Variants in PITPNA observed in about 807,000 individuals in gnomAD.
PITPNA encodes phosphatidylinositol transfer protein alpha.
A neutral mutation model predicts 50.3 loss-of-function variants in PITPNA; 13 were observed. That is an observed-to-expected ratio of 0.26 (90% CI 0.17 to 0.41). The LOEUF (loss-of-function observed/expected upper bound fraction) is 0.41. Ranked by LOEUF, PITPNA falls within the 10% of genes least tolerant of loss-of-function variation. PITPNA has a pLI of 1.00. For synonymous variants in PITPNA, 120 were observed against 119.6 expected, an observed-to-expected ratio of 1.00 and a Z score of -0.02; for missense variants, 207 against 333.4, an observed-to-expected ratio of 0.62 and a Z score of 2.95.
chr17:1,555,465 T>C (rs1463705099), intron 2 of PITPNA, among the ~76,000 whole-genome samples: 2 of 152,110 alleles, frequency 1.3e-5, no homozygotes, highest in Non-Finnish European at 2.9e-5. Flanking sequence ...GGGGCAGAGA[T>C]AGGAGTGGGA....
At position 1,536,568 on chromosome 17, in the gene PITPNA, C is replaced by T. The variant is rs549184265; in HGVS notation, c.457-1050G>A. 2.6e-5 allele frequency among the ~76,000 whole-genome samples: 4 copies of T among 151,522 alleles called. No individual in the cohort carries two copies. In the East Asian group the frequency reaches 5.8e-4, roughly 22 times the overall value. On this transcript the variant is annotated intron_variant, in intron 7 of 11. Coordinates refer to ENST00000313486, the MANE Select transcript of PITPNA (RefSeq NM_006224.4). ...CCTCCCACAGTGCTGGGATTACAGG[C>T]GTGAGCCACCGCGCCCTGCCTTATT... is the stretch of plus-strand genomic sequence containing the variant.
chr17:1,542,399 T>C (rs905389006), intron 5 of PITPNA, among the ~76,000 whole-genome samples: 1 of 152,212 alleles, frequency 6.6e-6, no homozygotes, highest in Non-Finnish European at 1.5e-5. Context: ...TTAAGTTTTC[T>C]TCTCAGTAAC....
chr17:1,551,288 C>CT (rs1215788872), intron 3 of PITPNA, among the ~76,000 whole-genome samples: 487 of 142,816 alleles, frequency 3.4e-3, no homozygotes, highest in African/African-American at 7.0e-3. Context: ...TCTTTTTTTT[C>CT]TTTTTTTTTT....
At position 1,552,997 on chromosome 17, in the gene PITPNA, C is replaced by T. The variant is rs566053177; in HGVS notation, c.197+7G>A. On this transcript the variant is annotated splice_region_variant and intron_variant, in intron 3 of 11. Transcript: ENST00000313486. Reference sequence around the variant, plus strand: ...CAGCATCCGGCCCCGCTGCTCATGCCGCATACCTCTGCAGGTGGTAGATCT... The same window carrying T: ...CAGCATCCGGCCCCGCTGCTCATGCTGCATACCTCTGCAGGTGGTAGATCT... 3.8e-5 allele frequency: 61 copies of T among 1,613,836 alleles called. No individual in the cohort carries two copies. The South Asian group carries it at 5.9e-4, about 16-fold the overall frequency.
At chr17:1,522,281 C>T (rs1304105256) in intron 10 of PITPNA, among the ~76,000 whole-genome samples, 1 of 151,126 alleles carries the variant, frequency 6.6e-6, no homozygotes, top group Non-Finnish European at 1.5e-5. Context: ...CCTTGTTAGC[C>T]AGGATGGTCT....
intron 4 of PITPNA, among the ~76,000 whole-genome samples, chr17:1,544,264 C>G (rs1485301139): frequency 6.6e-6 from 1 of 152,234 alleles, no homozygotes; most frequent in East Asian, 1.9e-4. Context: ...GAAGAATCCA[C>G]AAGAAAAGAA....
chr17:1,561,886 C>T (rs2151016292), intron 1 of PITPNA, among the ~76,000 whole-genome samples: 1 of 152,304 alleles, frequency 6.6e-6, no homozygotes, highest in African/African-American at 2.4e-5. Context: ...CTGACCCATC[C>T]ACCCGGCTCT....
At chr17:1,543,052 A>G (rs746219296) in intron 4 of PITPNA, 25 bp from the exon 5 acceptor site, 2 of 1,567,386 alleles carry the variant, frequency 1.3e-6, no homozygotes, top group African/African-American at 1.3e-5. Flanking sequence ...GGACATGGAA[A>G]GAAGAGAGAA....
Position 1,562,469 on chromosome 17 carries a change from G to T in PITPNA, c.20+72C>A. ...CGTCCATCCGGGCCCTGCGTCCCTC[G>T]CCGCGCCGTCGCCCCGGCGGCCGTC... On this transcript the variant is annotated intron_variant, in intron 1 of 11. Coordinates refer to ENST00000313486, the MANE Select transcript of PITPNA (RefSeq NM_006224.4). This position sits in a 1 kb window ranked among gnomAD's most constrained non-coding sequence, Gnocchi z 6.4. The T allele has an allele frequency of 1.6e-6, 2 of 1,281,462 alleles. No individual in the cohort carries two copies. Among genetic ancestry groups the T allele is most frequent in the Non-Finnish European group, 2.1e-6 (2 of 969,926 alleles). The allele number at this position is 1,281,462 out of a possible 1,614,324, so 79.4% of individuals were successfully genotyped here.
intron 1 of PITPNA, among the ~76,000 whole-genome samples, chr17:1,559,021 G>A (rs987360505): frequency 6.6e-6 from 1 of 152,088 alleles, no homozygotes; most frequent in Non-Finnish European, 1.5e-5. Context: ...TAACACAGGA[G>A]GACCTATCAT....
chr17:1,526,229 A>G (rs2075547122), intron 10 of PITPNA, among the ~76,000 whole-genome samples: 3 of 152,268 alleles, frequency 2.0e-5, no homozygotes, highest in Admixed American at 1.3e-4. Flanking sequence ...TCATGCAGAA[A>G]CATCAACGAA....
chr17:1,562,437 G>A lies in PITPNA; in HGVS notation c.20+104C>T. On this transcript the variant is annotated intron_variant, in intron 1 of 11. Coordinates refer to ENST00000313486, the MANE Select transcript of PITPNA (RefSeq NM_006224.4). This position sits in a 1 kb window ranked among gnomAD's most constrained non-coding sequence, Gnocchi z 6.4. Reference sequence around the variant, plus strand: ...GCCTCAGGCACCCTCCGTCCCTGCTGCCCCTCCGTCCATCCGGGCCCTGCG... The same window carrying A: ...GCCTCAGGCACCCTCCGTCCCTGCTACCCCTCCGTCCATCCGGGCCCTGCG... 2 of 954,432 alleles carry A rather than the reference G, an allele frequency of 2.1e-6. No homozygotes were observed. The highest frequency in any genetic ancestry group is 2.9e-6 in the Non-Finnish European group (2 of 687,876). The allele number at this position is 954,432 out of a possible 1,614,324, so 59.1% of individuals were successfully genotyped here.
chr17:1,553,198 G>A, intron 2 of PITPNA, 49 bp from the exon 3 acceptor site: 1 of 1,599,318 alleles, frequency 6.3e-7, no homozygotes, highest in Non-Finnish European at 8.6e-7. Flanking sequence ...CTTCTCAACG[G>A]TTACACGTAA....
At chr17:1,525,612 G>A (rs535912175) in intron 10 of PITPNA, among the ~76,000 whole-genome samples, 85 of 148,086 alleles carry the variant, frequency 5.7e-4, no homozygotes, top group Admixed American at 1.9e-3. Flanking sequence ...TCCACCTCCC[G>A]GGTTCAGGCG....
At position 1,519,415 on chromosome 17, in the gene PITPNA, CG is replaced by C. The variant is rs2075495298; in HGVS notation, c.*1145del. Reference sequence around the variant, plus strand: ...GACTTCCTCACCAGCCTACTTTGGTCGGGTTCTGTACTATGATCACTACTTG... The same window carrying C: ...GACTTCCTCACCAGCCTACTTTGGTCGGTTCTGTACTATGATCACTACTTG... On this transcript the variant is annotated 3_prime_UTR_variant, in exon 12 of 12. Coordinates refer to ENST00000313486, the MANE Select transcript of PITPNA (RefSeq NM_006224.4). 1.3e-5 allele frequency: 2 copies of C among 152,464 alleles called. No homozygotes were observed. The highest frequency in any genetic ancestry group is 4.1e-4 in the South Asian group (2 of 4,832). 9.4% of individuals were successfully genotyped at this position (152,464 alleles called of 1,614,324 possible).
intron 7 of PITPNA, among the ~76,000 whole-genome samples, chr17:1,538,031 C>A (rs564723588): frequency 6.6e-6 from 1 of 152,234 alleles, no homozygotes; most frequent in East Asian, 1.9e-4. Flanking sequence ...GAACTCAGGA[C>A]CTCAGATGAT....
At chr17:1,527,948 G>C (rs1014381977) in intron 10 of PITPNA, among the ~76,000 whole-genome samples, 4 of 152,240 alleles carry the variant, frequency 2.6e-5, no homozygotes, top group Non-Finnish European at 5.9e-5. Flanking sequence ...TCGGGAGGCT[G>C]AGGTGGAAGG....
At chr17:1,523,851 G>T (rs936672891) in intron 10 of PITPNA, among the ~76,000 whole-genome samples, 4 of 151,636 alleles carry the variant, frequency 2.6e-5, no homozygotes, top group African/African-American at 9.7e-5. Context: ...TGGGGACAGG[G>T]TCTCATTGTA....
chr17:1,536,280 GTT>G (rs11358582), intron 7 of PITPNA, among the ~76,000 whole-genome samples: 12 of 143,638 alleles, frequency 8.4e-5, no homozygotes, highest in African/African-American at 2.8e-4. Context: ...AAGCTGAGAA[GTT>G]TTTTTTTTTT....
Sources: gnomAD v4.1 joint callset for allele counts (sites outside exome capture counted in the v4.1 genomes callset) on GRCh38, gnomAD v4.1.1 for gene constraint, Gnocchi (gnomAD v3.1) non-coding constraint, MANE v1.5 for transcripts, NCBI Gene and HGNC (gene_info 2026-07-23, HGNC 2026-07-21) for gene names.